Variants in MARCHF1 observed in about 807,000 individuals in gnomAD.
MARCHF1 encodes the protein membrane associated ring-CH-type finger 1, also known as E3 ubiquitin-protein ligase MARCHF1.
Under a neutral mutation model 54.2 loss-of-function variants are expected in MARCHF1, and 40 were observed. The observed-to-expected ratio is 0.74, with a 90% CI of 0.57 to 0.96. The LOEUF (loss-of-function observed/expected upper bound fraction) is 0.96. MARCHF1 is among the 40% of genes least tolerant of loss of function. The probability of loss-of-function intolerance (pLI) is 0.00; values close to 1 mark genes in which losing one functional copy is unlikely to be tolerated. For missense variants in MARCHF1, 586 were observed against 656.5 expected (o/e 0.89, Z 1.17); for synonymous variants, 236 against 236.3 (o/e 1.00, Z 0.01).
intron 4 of MARCHF1, among the ~76,000 whole-genome samples, chr4:163,738,745 T>C (rs1267307485): frequency 6.6e-6 from 1 of 152,162 alleles, no homozygotes; most frequent in Non-Finnish European, 1.5e-5. Context: ...TAAAAATACT[T>C]CACTGTCATA....
chr4:164,307,096 G>A (rs930318992), intron 1 of MARCHF1, among the ~76,000 whole-genome samples: 4 of 151,956 alleles, frequency 2.6e-5, no homozygotes. Context: ...TCTAAGATTG[G>A]GGGAACACAG....
At chr4:164,264,536 A>G (rs751966965) in intron 1 of MARCHF1, among the ~76,000 whole-genome samples, 1 of 152,180 alleles carries the variant, frequency 6.6e-6, no homozygotes, top group Non-Finnish European at 1.5e-5. Context: ...GTAATATGTA[A>G]TATGAAAAAC....
intron 1 of MARCHF1, among the ~76,000 whole-genome samples, chr4:164,124,518 A>T (rs2110789058): frequency 6.6e-6 from 1 of 152,336 alleles, no homozygotes; most frequent in East Asian, 1.9e-4. Flanking sequence ...AAGATTCTGA[A>T]GCAACATAAG....
chr4:163,883,722 T>G (rs1456992812), intron 3 of MARCHF1, among the ~76,000 whole-genome samples: 2 of 152,222 alleles, frequency 1.3e-5, no homozygotes, highest in Non-Finnish European at 2.9e-5. Context: ...TAAAAATTAT[T>G]TATTGTTTAT....
At chr4:163,857,015 AAAATAAATAAATAAAT>A (rs34410156) in intron 3 of MARCHF1, among the ~76,000 whole-genome samples, 144 of 131,526 alleles carry the variant, frequency 1.1e-3, no homozygotes, top group Non-Finnish European at 1.7e-3. Flanking sequence ...TTTGTCTCGA[AAAATAAATAAATAAAT>A]AAATAAATAA....
At chr4:163,949,531 A>G (rs1752090211) in intron 3 of MARCHF1, among the ~76,000 whole-genome samples, 1 of 152,208 alleles carries the variant, frequency 6.6e-6, no homozygotes, top group Non-Finnish European at 1.5e-5. Flanking sequence ...CCTGCCATTC[A>G]GCGGGTCGCA....
intron 4 of MARCHF1, among the ~76,000 whole-genome samples, chr4:163,725,525 T>C (rs1745624660): frequency 6.6e-6 from 1 of 151,390 alleles, no homozygotes; most frequent in East Asian, 1.9e-4. Context: ...AAAGAAAATA[T>C]GAACAAAAAA....
chr4:164,336,821 C>T (rs1002571046), intron 1 of MARCHF1, among the ~76,000 whole-genome samples: 2 of 152,170 alleles, frequency 1.3e-5, no homozygotes, highest in Non-Finnish European at 2.9e-5. Flanking sequence ...TGTACAAAAA[C>T]CTTTCTCTCC....
chr4:163,751,205 T>C (rs13105490), intron 4 of MARCHF1, among the ~76,000 whole-genome samples: 60,870 of 150,954 alleles, frequency 0.4, 12,793 homozygotes, highest in Non-Finnish European at 0.46. Flanking sequence ...ATTGGCCATG[T>C]TGGAGAGTGC....
chr4:164,369,426 A>G (rs983074329), intron 1 of MARCHF1, among the ~76,000 whole-genome samples: 1 of 152,266 alleles, frequency 6.6e-6, no homozygotes, highest in African/African-American at 2.4e-5. Context: ...TGCACCTGCC[A>G]CTTACTAGCT....
intron 4 of MARCHF1, among the ~76,000 whole-genome samples, chr4:163,840,466 T>C (rs74453260): frequency 3.1e-4 from 47 of 152,296 alleles, no homozygotes; most frequent in African/African-American, 1.1e-3. Context: ...TGCTGAAGTT[T>C]GGGGTACAAC....
chr4:163,776,971 T>C (rs1369621310), intron 4 of MARCHF1, among the ~76,000 whole-genome samples: 1 of 152,220 alleles, frequency 6.6e-6, no homozygotes, highest in African/African-American at 2.4e-5. Context: ...CACATGTTTT[T>C]ATTCTAACCT....
intron 1 of MARCHF1, among the ~76,000 whole-genome samples, chr4:164,335,602 G>A (rs1485742599): frequency 6.9e-6 from 1 of 145,872 alleles, no homozygotes; most frequent in Non-Finnish European, 1.5e-5. Context: ...AAAAAAAAGA[G>A]AATTTGCTTC....
intron 1 of MARCHF1, among the ~76,000 whole-genome samples, chr4:164,281,842 C>A (rs1734033448): frequency 6.6e-6 from 1 of 152,150 alleles, no homozygotes; most frequent in Non-Finnish European, 1.5e-5. Flanking sequence ...GGCTGCAGAG[C>A]CAGTCAGCGT....
At chr4:163,781,752 G>A (rs1747472123) in intron 4 of MARCHF1, among the ~76,000 whole-genome samples, 1 of 152,186 alleles carries the variant, frequency 6.6e-6, no homozygotes, top group Admixed American at 6.5e-5. Flanking sequence ...ACACGGAAAA[G>A]AGAAGGAATA....
intron 7 of MARCHF1, among the ~76,000 whole-genome samples, chr4:163,598,303 T>C: frequency 6.6e-6 from 1 of 152,244 alleles, no homozygotes; most frequent in East Asian, 1.9e-4. Context: ...GTCCTTCATT[T>C]TGTCTCCTTG....
intron 1 of MARCHF1, among the ~76,000 whole-genome samples, chr4:164,357,142 T>G (rs891717084): frequency 6.6e-6 from 1 of 151,966 alleles, no homozygotes; most frequent in African/African-American, 2.4e-5. Flanking sequence ...AAATAAAAAT[T>G]TAGTGGTTTA....
chr4:164,117,060 C>A (rs1016416603), intron 1 of MARCHF1, among the ~76,000 whole-genome samples: 1 of 151,902 alleles, frequency 6.6e-6, no homozygotes, highest in Admixed American at 6.6e-5. Flanking sequence ...GAGTTTGAAA[C>A]CAGCCTGGCC....
intron 1 of MARCHF1, among the ~76,000 whole-genome samples, chr4:164,119,812 A>C (rs1197451997): frequency 6.6e-6 from 1 of 151,996 alleles, no homozygotes; most frequent in East Asian, 1.9e-4. Context: ...AAAAAAGCTT[A>C]AAATGGATCA....
Sources: allele counts gnomAD v4.1 joint callset (sites outside exome capture counted in the v4.1 genomes callset), GRCh38; gene constraint gnomAD v4.1.1; transcripts MANE v1.5; gene names NCBI Gene and HGNC (gene_info 2026-07-23, HGNC 2026-07-21).